The following CDH18 variants were observed in gnomAD, a reference collection of about 807,000 sequenced individuals.
CDH18 encodes cadherin-18.
In CDH18, 31 loss-of-function variants were observed where a neutral mutation model predicts 67.9. The observed-to-expected ratio is 0.46, with a 90% CI of 0.34 to 0.62. The LOEUF is 0.62. Ranked by LOEUF, CDH18 falls within the 20% of genes least tolerant of loss-of-function variation. The probability of loss-of-function intolerance (pLI) is 0.01; values close to 1 mark genes in which losing one functional copy is unlikely to be tolerated. For missense variants in CDH18, 890 were observed against 975.5 expected (o/e 0.91, Z 1.17); for synonymous variants, 362 against 347.2 (o/e 1.04, Z -0.48).
At chr5:19,867,449 C>T (rs1785678767) in intron 2 of CDH18, among the ~76,000 whole-genome samples, 1 of 152,068 alleles carries the variant, frequency 6.6e-6, no homozygotes, top group Admixed American at 6.6e-5. Context: ...TCTATTTACC[C>T]ATCTATATTT....
At chr5:20,094,246 T>C (rs115067432) in intron 2 of CDH18, among the ~76,000 whole-genome samples, 3,293 of 152,228 alleles carry the variant, frequency 0.022, 133 homozygotes, top group African/African-American at 0.073. Flanking sequence ...GGTTAGTAAA[T>C]ACTCACTAGA....
At chr5:20,078,016 G>T (rs1222426865) in intron 2 of CDH18, among the ~76,000 whole-genome samples, 1 of 152,154 alleles carries the variant, frequency 6.6e-6, no homozygotes, top group African/African-American at 2.4e-5. Context: ...CTATCATTCA[G>T]ACTGCCTGTG....
intron 2 of CDH18, among the ~76,000 whole-genome samples, chr5:19,974,298 G>A (rs1246490991): frequency 2.0e-5 from 3 of 151,902 alleles, no homozygotes; most frequent in Non-Finnish European, 4.4e-5. Flanking sequence ...TTGGGAGGCC[G>A]AGGCGGGCAG....
intron 1 of CDH18, among the ~76,000 whole-genome samples, chr5:20,346,238 A>T (rs1740684795): frequency 6.6e-6 from 1 of 152,170 alleles, no homozygotes; most frequent in Admixed American, 6.5e-5. Flanking sequence ...TATGGAGCAG[A>T]GAGTCTTATT....
rs547741672 is a variant in CDH18, at chr5:20,443,600, C to T, written c.-580+131862G>A. 3.9e-5 allele frequency among the ~76,000 whole-genome samples: 6 copies of T among 152,012 alleles called. No homozygotes were observed. In the South Asian group the frequency reaches 1.0e-3, roughly 26 times the overall value. Reference sequence around the variant, plus strand: ...ATTGATGTCAATATTTCTGTGGGCACACATTAGGTTATTCTTTATGAGTAA... The same window carrying T: ...ATTGATGTCAATATTTCTGTGGGCATACATTAGGTTATTCTTTATGAGTAA... On this transcript the variant is annotated intron_variant, in intron 1 of 14. Transcript: ENST00000507958.
rs530908040 is a variant in CDH18, at chr5:19,995,212, C to A, written c.-517-3198G>T. Among the ~76,000 whole-genome samples the A allele has an allele frequency of 2.0e-5, 3 of 152,144 alleles. No homozygotes were observed. In the East Asian group the frequency reaches 5.8e-4, roughly 30 times the overall value. On this transcript the variant is annotated intron_variant, in intron 2 of 14. Transcript: ENST00000507958. The stretch of plus-strand genomic sequence containing the variant: ...TTTGAAGTACTGTTTTACCAGCTAT[C>A]TAAGCATCACTTAGCCCAGTCACAT...
At chr5:19,887,038 A>G (rs549238849) in intron 2 of CDH18, among the ~76,000 whole-genome samples, 1 of 152,254 alleles carries the variant, frequency 6.6e-6, no homozygotes, top group African/African-American at 2.4e-5. Context: ...CATAATAAAT[A>G]AGGTCAGTAT....
At chr5:19,899,369 C>G (rs1789687572) in intron 2 of CDH18, among the ~76,000 whole-genome samples, 1 of 148,244 alleles carries the variant, frequency 6.7e-6, no homozygotes, top group African/African-American at 2.5e-5. Flanking sequence ...CATTGCACTC[C>G]AGCCTGGGTG....
intron 1 of CDH18, among the ~76,000 whole-genome samples, chr5:20,324,116 A>G (rs1320321930): frequency 6.6e-6 from 1 of 152,242 alleles, no homozygotes; most frequent in Non-Finnish European, 1.5e-5. Context: ...TCGATTTAAA[A>G]GGGAAGACCC....
intron 8 of CDH18, among the ~76,000 whole-genome samples, chr5:19,569,927 T>A (rs1259899870): frequency 6.6e-6 from 1 of 151,878 alleles, no homozygotes; most frequent in Non-Finnish European, 1.5e-5. Context: ...AAACTAATGG[T>A]TGCACTTCCT....
intron 4 of CDH18, among the ~76,000 whole-genome samples, chr5:19,725,989 G>T (rs1766793242): frequency 6.6e-6 from 1 of 152,176 alleles, no homozygotes; most frequent in South Asian, 2.1e-4. Context: ...CCAAATAGCA[G>T]TCCCTGGGCA....
intron 2 of CDH18, among the ~76,000 whole-genome samples, chr5:20,194,770 G>T (rs1487835701): frequency 6.6e-6 from 1 of 151,858 alleles, no homozygotes; most frequent in Non-Finnish European, 1.5e-5. Context: ...GCTGATCTGG[G>T]TTGCTAAGGA....
At chr5:20,411,422 G>A (rs947294233) in intron 1 of CDH18, among the ~76,000 whole-genome samples, 3 of 151,898 alleles carry the variant, frequency 2.0e-5, no homozygotes, top group East Asian at 1.9e-4. Context: ...TTAACTAACT[G>A]TAGTACACAC....
chr5:19,643,353 A>G (rs1419949450), intron 5 of CDH18, among the ~76,000 whole-genome samples: 1 of 152,158 alleles, frequency 6.6e-6, no homozygotes, highest in Non-Finnish European at 1.5e-5. Flanking sequence ...TGGAAATGAA[A>G]TCAATATTTT....
At chr5:20,107,692 T>C (rs907072252) in intron 2 of CDH18, among the ~76,000 whole-genome samples, 1 of 152,154 alleles carries the variant, frequency 6.6e-6, no homozygotes, top group East Asian at 1.9e-4. Flanking sequence ...GATGGCTGTC[T>C]TCTCACTGCA....
chr5:19,685,589 A>G (rs150261260), intron 5 of CDH18, among the ~76,000 whole-genome samples: 2 of 152,116 alleles, frequency 1.3e-5, no homozygotes, highest in Non-Finnish European at 2.9e-5. Flanking sequence ...TTTGGGTGGC[A>G]TCCTCAGGAT....
At chr5:19,884,957 A>G (rs1222372399) in intron 2 of CDH18, among the ~76,000 whole-genome samples, 2 of 152,176 alleles carry the variant, frequency 1.3e-5, no homozygotes, top group East Asian at 3.8e-4. Context: ...TTTTCACACT[A>G]TCAAGACATT....
intron 1 of CDH18, among the ~76,000 whole-genome samples, chr5:20,461,062 G>C (rs143529997): frequency 6.6e-6 from 1 of 152,162 alleles, no homozygotes; most frequent in East Asian, 1.9e-4. Context: ...GAAGGATACA[G>C]GTATCAATAG....
chr5:19,525,291 C>T (rs1321398576), intron 9 of CDH18, among the ~76,000 whole-genome samples: 1 of 152,162 alleles, frequency 6.6e-6, no homozygotes, highest in Non-Finnish European at 1.5e-5. Context: ...GAAGCTAAAT[C>T]CTTCTGCTTC....
Sources: allele counts gnomAD v4.1 joint callset (sites outside exome capture counted in the v4.1 genomes callset), GRCh38; gene constraint gnomAD v4.1.1; transcripts MANE v1.5; gene names NCBI Gene and HGNC (gene_info 2026-07-23, HGNC 2026-07-21).